SUGCT: variants seen among roughly 807,000 people sequenced by gnomAD.
SUGCT encodes the protein succinyl-CoA:glutarate CoA-transferase.
In SUGCT, 41 loss-of-function variants were observed where a neutral mutation model predicts 55.0. The ratio of observed to expected loss-of-function variants is 0.74; its 90% CI spans 0.58 to 0.97. SUGCT has a LOEUF of 0.97. Ranked by LOEUF, SUGCT falls within the 50% of genes least tolerant of loss-of-function variation. SUGCT has a pLI of 0.00. For missense variants in SUGCT, 568 were observed against 547.8 expected (o/e 1.04, Z -0.37); for synonymous variants, 187 against 200.4 (o/e 0.93, Z 0.56).
chr7:40,215,784 C>T (rs938562388), intron 6 of SUGCT, among the ~76,000 whole-genome samples: 1 of 151,762 alleles, frequency 6.6e-6, no homozygotes, highest in Admixed American at 6.6e-5. Context: ...ATGGTGTGAA[C>T]CCGGGAGGCG....
At chr7:40,169,377 T>A (rs1784566291) in intron 1 of SUGCT, among the ~76,000 whole-genome samples, 1 of 152,104 alleles carries the variant, frequency 6.6e-6, no homozygotes, top group Non-Finnish European at 1.5e-5. Context: ...CTGAGAAGAA[T>A]GTGCCAGTGT....
chr7:40,334,622 G>A (rs1322141571), intron 9 of SUGCT, among the ~76,000 whole-genome samples: 1 of 152,084 alleles, frequency 6.6e-6, no homozygotes, highest in Non-Finnish European at 1.5e-5. Context: ...TTGTAAATTT[G>A]TTTAAGTTCT....
the SUGCT span, among the ~76,000 whole-genome samples, chr7:41,038,151 C>T: frequency 1.3e-5 from 2 of 152,120 alleles, no homozygotes; most frequent in African/African-American, 4.8e-5. Flanking sequence ...ACCTGCCTGC[C>T]CGGAGCTGGG....
At chr7:40,670,360 A>G (rs2151869356) in intron 12 of SUGCT, among the ~76,000 whole-genome samples, 1 of 152,222 alleles carries the variant, frequency 6.6e-6, no homozygotes, top group Admixed American at 6.5e-5. Flanking sequence ...AAAATCAATG[A>G]AACAAAGGGC....
At chr7:40,536,869 A>G (rs1050507201) in intron 12 of SUGCT, among the ~76,000 whole-genome samples, 1 of 152,222 alleles carries the variant, frequency 6.6e-6, no homozygotes, top group African/African-American at 2.4e-5. Context: ...AGGCAAGTTA[A>G]CAGCGGAATA....
chr7:40,324,252 A>T (rs144053599), intron 9 of SUGCT, among the ~76,000 whole-genome samples: 71,906 of 111,220 alleles, frequency 0.65, 24,247 homozygotes, highest in East Asian at 0.99. Context: ...TAAATAAATA[A>T]ATATATATAT....
chr7:40,189,655 C>A, intron 5 of SUGCT, 61 bp downstream of exon 5: 3 of 954,102 alleles, frequency 3.1e-6, no homozygotes, highest in South Asian at 2.3e-5. Context: ...TTTGGAATAT[C>A]AGAGCAAAAG....
intron 13 of SUGCT, among the ~76,000 whole-genome samples, chr7:40,758,814 T>C (rs990470613): frequency 1.3e-5 from 2 of 152,118 alleles, no homozygotes; most frequent in African/African-American, 4.8e-5. Context: ...GCCCTTTATC[T>C]GAACATTGTG....
intron 13 of SUGCT, among the ~76,000 whole-genome samples, chr7:40,794,287 T>A (rs1790449291): frequency 6.6e-6 from 1 of 152,272 alleles, no homozygotes; most frequent in South Asian, 2.1e-4. Flanking sequence ...ACAACTTTTT[T>A]AGCTACATTT....
chr7:40,303,495 T>C (rs1584628024), intron 8 of SUGCT, among the ~76,000 whole-genome samples: 1 of 152,140 alleles, frequency 6.6e-6, no homozygotes, highest in Middle Eastern at 3.4e-3. Context: ...TCTTCTCTTT[T>C]TTTTTTGAGA....
At chr7:40,856,068 A>G (rs1195963896) in intron 13 of SUGCT, among the ~76,000 whole-genome samples, 2 of 152,168 alleles carry the variant, frequency 1.3e-5, no homozygotes, top group African/African-American at 4.8e-5. Context: ...TGACTTTAAG[A>G]TCAAAGGCTC....
chr7:40,196,997 G>T (rs987048863), intron 6 of SUGCT, among the ~76,000 whole-genome samples: 2 of 151,876 alleles, frequency 1.3e-5, no homozygotes, highest in African/African-American at 4.8e-5. Flanking sequence ...ACCTTGCCTG[G>T]CTAATTTTTG....
chr7:40,162,943 C>T (rs975660644), intron 1 of SUGCT, among the ~76,000 whole-genome samples: 4 of 152,142 alleles, frequency 2.6e-5, no homozygotes, highest in East Asian at 1.9e-4. Flanking sequence ...GCAGGACTGG[C>T]GGGGTTGTGC....
At chr7:40,638,272 T>C (rs1274645899) in intron 12 of SUGCT, among the ~76,000 whole-genome samples, 1 of 152,190 alleles carries the variant, frequency 6.6e-6, no homozygotes, top group Non-Finnish European at 1.5e-5. Context: ...TGAATTCAAG[T>C]GGTTTATTTT....
chr7:40,685,010 T>C (rs1283661307), intron 12 of SUGCT, among the ~76,000 whole-genome samples: 1 of 152,084 alleles, frequency 6.6e-6, no homozygotes, highest in South Asian at 2.1e-4. Flanking sequence ...TTTGTGTGTG[T>C]TTATTTTTTT....
At chr7:40,792,204 T>C (rs1790345262) in intron 13 of SUGCT, among the ~76,000 whole-genome samples, 1 of 152,166 alleles carries the variant, frequency 6.6e-6, no homozygotes, top group Admixed American at 6.6e-5. Context: ...TTTAGAAATA[T>C]GAACATGCGC....
intron 13 of SUGCT, among the ~76,000 whole-genome samples, chr7:40,843,594 G>A (rs1793396595): frequency 6.6e-6 from 1 of 152,040 alleles, no homozygotes; most frequent in African/African-American, 2.4e-5. Context: ...GTAGATTTTA[G>A]GAGGAAGAAT....
chr7:40,527,271 A>T (rs999619279), intron 12 of SUGCT, among the ~76,000 whole-genome samples: 5 of 152,252 alleles, frequency 3.3e-5, no homozygotes, highest in Non-Finnish European at 5.9e-5. Context: ...AAATGTGTGG[A>T]AACACCACTC....
At chr7:40,168,410 T>G (rs1256936921) in intron 1 of SUGCT, among the ~76,000 whole-genome samples, 1 of 152,196 alleles carries the variant, frequency 6.6e-6, no homozygotes, top group Non-Finnish European at 1.5e-5. Context: ...TGGTAGATCT[T>G]AGTCATGAAC....
Sources: allele counts gnomAD v4.1 joint callset (sites outside exome capture counted in the v4.1 genomes callset), GRCh38; gene constraint gnomAD v4.1.1; transcripts MANE v1.5; gene names NCBI Gene and HGNC (gene_info 2026-07-23, HGNC 2026-07-21).